The following AOPEP variants were observed in gnomAD, a reference collection of about 807,000 sequenced individuals.
AOPEP encodes aminopeptidase O.
In AOPEP, 77 loss-of-function variants were observed where a neutral mutation model predicts 98.1. The observed-to-expected ratio is 0.78, with a 90% confidence interval of 0.65 to 0.95. The LOEUF (loss-of-function observed/expected upper bound fraction) is 0.95, where lower values mean the gene tolerates loss of function less well. Among genes scored for constraint, AOPEP ranks in the 40% least tolerant of loss-of-function variants. AOPEP has a pLI of 0.00. For missense variants in AOPEP, 1,024 were observed against 1,024.7 expected, an observed-to-expected ratio of 1.00 and a Z score of 0.01; for synonymous variants, 346 against 365.3, an observed-to-expected ratio of 0.95 and a Z score of 0.60.
the AOPEP span, chr9:95,099,091 TAGAC>T: frequency 5.1e-6 from 1 of 195,224 alleles, no homozygotes; most frequent in African/African-American, 2.3e-5. Context: ...AATGAAAAAA[TAGAC>T]AACAAATTAC....
At chr9:94,986,720 G>C (rs2060544548) in intron 11 of AOPEP, among the ~76,000 whole-genome samples, 1 of 152,146 alleles carries the variant, frequency 6.6e-6, no homozygotes, top group African/African-American at 2.4e-5. Context: ...CATCTGATTT[G>C]ACACTGTCCA....
At chr9:95,115,637 G>C in the AOPEP span, among the ~76,000 whole-genome samples, 1 of 152,198 alleles carries the variant, frequency 6.6e-6, no homozygotes, top group Non-Finnish European at 1.5e-5. Flanking sequence ...TGCAGCATCT[G>C]CAAAAGTTTT....
chr9:94,738,275 C>G (rs1832220759), intron 1 of AOPEP, among the ~76,000 whole-genome samples: 1 of 152,180 alleles, frequency 6.6e-6, no homozygotes, highest in Admixed American at 6.5e-5. Context: ...GAGAAAGACT[C>G]TGGTTCACCT....
chr9:95,005,584 A>T lies in AOPEP; in HGVS notation c.2083A>T (p.Lys695Ter). 3.1e-6 allele frequency: 5 copies of T among 1,613,978 alleles called. No individual in the cohort carries two copies. The highest frequency in any genetic ancestry group is 4.2e-6 in the Non-Finnish European group (5 of 1,179,920). Reference protein sequence around the residue: ...IGVNRRPRKRKRREKEEVFEK... With the variant: ...IGVNRRPRKR ...AGTGAACCGGAGACCCCGAAAACGG[A>T]AGCGCAGGGAGAAGGAAGAGGTGTT... The change falls in exon 13 of 17, where the codon AAG (lysine) becomes TAG (stop). Residue 695 changes from lysine to a stop codon, truncating the protein, a stop_gained. Transcript: ENST00000375315. LOFTEE classifies it high-confidence loss of function.
At chr9:94,800,687 T>C in intron 4 of AOPEP, 70 bp from the exon 5 acceptor site, 1 of 1,559,716 alleles carries the variant, frequency 6.4e-7, no homozygotes, top group Non-Finnish European at 8.8e-7. Context: ...TGTCTACATC[T>C]GCAAGATTGC....
At chr9:94,800,686 C>T in intron 4 of AOPEP, 71 bp from the exon 5 acceptor site, 3 of 1,553,950 alleles carry the variant, frequency 1.9e-6, no homozygotes, top group Admixed American at 3.4e-5. Context: ...TTGTCTACAT[C>T]TGCAAGATTG....
At chr9:95,000,993 C>G (rs553962460) in intron 11 of AOPEP, among the ~76,000 whole-genome samples, 22 of 152,294 alleles carry the variant, frequency 1.4e-4, no homozygotes, top group African/African-American at 5.3e-4. Context: ...AATTTGCCAT[C>G]TGTGGCTGTT....
At chr9:95,016,987 A>T (rs1008960744) in intron 13 of AOPEP, among the ~76,000 whole-genome samples, 2 of 148,354 alleles carry the variant, frequency 1.3e-5, no homozygotes, top group African/African-American at 4.9e-5. Context: ...CTATTAATTT[A>T]TAATTATATA....
chr9:95,022,093 A>T (rs910570708), intron 13 of AOPEP: 2 of 152,210 alleles, frequency 1.3e-5, no homozygotes, highest in African/African-American at 4.8e-5. Flanking sequence ...ATTTTGTCTC[A>T]GCTTTTTGTT....
rs144347777 is a variant in AOPEP at position 95,040,703 on chromosome 9, C to T, written c.2116-19991C>T. Among the ~76,000 whole-genome samples the T allele has an allele frequency of 5.9e-5, 9 of 152,348 alleles. No individual in the cohort carries two copies. The East Asian group carries it at 1.7e-3, about 29-fold the overall frequency. On this transcript the variant is annotated intron_variant, in intron 13 of 16. Coordinates refer to ENST00000375315, the MANE Select transcript of AOPEP (RefSeq NM_001193329.3). ...ATTCCCAGTTCCCTCCTGGCCCAAGCTCCTGGAGGTGGGACCACACATGAC... is the reference window on the plus strand; with the variant it reads ...ATTCCCAGTTCCCTCCTGGCCCAAGTTCCTGGAGGTGGGACCACACATGAC...
At position 94,930,124 on chromosome 9, in the gene AOPEP, G is replaced by A. The variant is rs1320960705; in HGVS notation, c.1661+1593G>A. Reference sequence around the variant, plus strand: ...TGGAGAGCACCACAGGCAGCCGACGGAAAGCCAGGAGAACGGTTGCAGCCT... The same window carrying A: ...TGGAGAGCACCACAGGCAGCCGACGAAAAGCCAGGAGAACGGTTGCAGCCT... On this transcript the variant is annotated intron_variant, in intron 7 of 16. Coordinates refer to ENST00000375315, the MANE Select transcript of AOPEP (RefSeq NM_001193329.3). This position sits in a 1 kb window ranked among gnomAD's most constrained non-coding sequence, Gnocchi z 4.5. Among the ~76,000 whole-genome samples, 3 of 152,214 alleles carry A rather than the reference G, an allele frequency of 2.0e-5. No homozygotes were observed. The highest frequency in any genetic ancestry group is 2.0e-4 in the Admixed American group (3 of 15,292).
chr9:95,007,647 C>A (rs1189369976), intron 13 of AOPEP, among the ~76,000 whole-genome samples: 1 of 152,144 alleles, frequency 6.6e-6, no homozygotes, highest in Non-Finnish European at 1.5e-5. Flanking sequence ...TAGAAGATAG[C>A]AAATTTCAGA....
the AOPEP span, among the ~76,000 whole-genome samples, chr9:95,104,392 G>T: frequency 1.1e-4 from 16 of 152,338 alleles, no homozygotes; most frequent in East Asian, 2.7e-3. Context: ...TCTGCTGTGT[G>T]TGTCTTCTCT....
intron 5 of AOPEP, among the ~76,000 whole-genome samples, chr9:94,834,280 A>C (rs1049602512): frequency 1.6e-4 from 25 of 152,210 alleles, no homozygotes; most frequent in African/African-American, 6.0e-4. Flanking sequence ...TTGCAAGGAA[A>C]AGAGAGAGAG....
chr9:94,854,261 T>A (rs532386731), intron 5 of AOPEP, among the ~76,000 whole-genome samples: 3 of 152,214 alleles, frequency 2.0e-5, no homozygotes, highest in Non-Finnish European at 4.4e-5. Flanking sequence ...TGTGAAAATG[T>A]GACAATTTCT....
chr9:95,129,145 A>G, the AOPEP span, among the ~76,000 whole-genome samples: 6 of 152,028 alleles, frequency 3.9e-5, no homozygotes, highest in Admixed American at 1.3e-4. Flanking sequence ...TCACTGAAAA[A>G]AAAGAAAACC....
At chr9:94,828,197 C>G (rs938669503) in intron 5 of AOPEP, among the ~76,000 whole-genome samples, 3 of 152,210 alleles carry the variant, frequency 2.0e-5, no homozygotes, top group Non-Finnish European at 4.4e-5. Context: ...CTCTGACGCA[C>G]AGAAGTCTTT....
chr9:95,101,496 T>C, the AOPEP span: 1 of 626,336 alleles, frequency 1.6e-6, no homozygotes, highest in African/African-American at 1.8e-5. Flanking sequence ...GAGTCATTAG[T>C]GAACATGTCT....
At chr9:94,747,538 G>A (rs952588320) in intron 1 of AOPEP, among the ~76,000 whole-genome samples, 1 of 152,042 alleles carries the variant, frequency 6.6e-6, no homozygotes, top group Non-Finnish European at 1.5e-5. Flanking sequence ...AAAATAAATA[G>A]GCATGAACAA....
Sources: allele counts gnomAD v4.1 joint callset (sites outside exome capture counted in the v4.1 genomes callset), GRCh38; gene constraint gnomAD v4.1.1; non-coding constraint Gnocchi (gnomAD v3.1); transcripts MANE v1.5; gene names NCBI Gene and HGNC (gene_info 2026-07-23, HGNC 2026-07-21).